POM121: variants seen among roughly 807,000 people sequenced by gnomAD.
The protein encoded by POM121 is nuclear envelope pore membrane protein POM 121.
POM121 carries 32 observed loss-of-function variants against 81.3 expected under a neutral mutation model. The observed-to-expected ratio is 0.39, with a 90% CI of 0.30 to 0.53. The LOEUF is 0.53. POM121 is among the 20% of genes least tolerant of loss of function. The pLI is 0.66. For missense variants in POM121, 1,138 were observed against 1,614.6 expected (o/e 0.70, Z 5.06); for synonymous variants, 514 against 694.2 (o/e 0.74, Z 4.08).
chr7:72,927,040 G>T (rs1356346982), intron 3 of POM121, 77 bp downstream of exon 3: 61 of 1,606,172 alleles, frequency 3.8e-5, no homozygotes, highest in Non-Finnish European at 5.2e-5. Flanking sequence ...TTCCCATATA[G>T]ATACAGAGGC....
At chr7:72,924,899 C>T (rs1392307555), upstream of POM121, 3 of 694,534 alleles carry the variant, frequency 4.3e-6, no homozygotes, top group Non-Finnish European at 6.3e-6. Context: ...CACGGGATCG[C>T]CTCCGGATGG....
At chr7:72,949,669 G>A (rs1797938944), downstream of POM121, 3 of 670,490 alleles carry the variant, frequency 4.5e-6, no homozygotes, top group Admixed American at 4.3e-5. Flanking sequence ...TGCCCCAAGG[G>A]CTAAGGGATC....
At chr7:72,934,275 G>T (rs1426332505) in intron 5 of POM121, among the ~76,000 whole-genome samples, 2 of 151,596 alleles carry the variant, frequency 1.3e-5, no homozygotes, top group Non-Finnish European at 2.9e-5. Context: ...AGTAGAGATG[G>T]GTTTTCACCA....
chr7:72,901,218 CTT>C (rs781884870), intron 3 of POM121, among the ~76,000 whole-genome samples: 29 of 139,016 alleles, frequency 2.1e-4, no homozygotes, highest in East Asian at 2.1e-4. Context: ...TTCTTTTTTT[CTT>C]TTTTTTTTTT....
At position 72,891,352 on chromosome 7, in the gene POM121, C is replaced by T. The variant is rs1208159197; in HGVS notation, c.-216+242C>T. 4.6e-5 allele frequency among the ~76,000 whole-genome samples: 7 copies of T among 152,106 alleles called. 1 individual carries two copies. Among genetic ancestry groups the T allele is most frequent in the African/African-American group, 1.7e-4 (7 of 41,418 alleles). On this transcript the variant is annotated intron_variant, in intron 3 of 15. Coordinates refer to the POM121 transcript ENST00000395270. ...TCACTTCCTCTTCCTCCAGCATTAT[C>T]GGTCACTTATTTACTCCCTCACCAT...
chr7:72,930,545 C>T (rs1302353800), intron 5 of POM121, among the ~76,000 whole-genome samples: 4 of 152,142 alleles, frequency 2.6e-5, no homozygotes, highest in African/African-American at 9.7e-5. Flanking sequence ...AGACTGAGTC[C>T]AGCTTGTATT....
chr7:72,882,397 G>C (rs185175067), intron 1 of POM121, among the ~76,000 whole-genome samples: 1 of 152,314 alleles, frequency 6.6e-6, no homozygotes, highest in East Asian at 1.9e-4. Flanking sequence ...GACATCGTTT[G>C]CATTGATTAT....
intron 5 of POM121, among the ~76,000 whole-genome samples, chr7:72,931,520 A>G (rs1554498602): frequency 6.6e-6 from 1 of 151,386 alleles, no homozygotes; most frequent in African/African-American, 2.4e-5. Context: ...ATTTTTATGT[A>G]TTACACCAAA....
At chr7:72,883,726 A>C (rs1790394367) in intron 1 of POM121, among the ~76,000 whole-genome samples, 1 of 151,706 alleles carries the variant, frequency 6.6e-6, no homozygotes, top group African/African-American at 2.4e-5. Context: ...CTTTTCACAC[A>C]ACTATACCAT....
intron 3 of POM121, among the ~76,000 whole-genome samples, chr7:72,897,909 C>T (rs1361414280): frequency 1.3e-5 from 2 of 152,118 alleles, no homozygotes; most frequent in Non-Finnish European, 2.9e-5. Context: ...GTCCCAGGGA[C>T]TTGGGAGGCT....
intron 3 of POM121, among the ~76,000 whole-genome samples, chr7:72,899,112 G>A (rs1426290496): frequency 2.0e-5 from 3 of 150,682 alleles, no homozygotes; most frequent in Non-Finnish European, 2.9e-5. Context: ...CCCCTGAGTA[G>A]CTGGGGATTA....
intron 1 of POM121, among the ~76,000 whole-genome samples, chr7:72,889,835 G>A (rs2129574766): frequency 6.6e-6 from 1 of 152,116 alleles, no homozygotes; most frequent in African/African-American, 2.4e-5. Flanking sequence ...CTTAAAAATT[G>A]AAGCTGCTTC....
chr7:72,880,128 C>T (rs1232425782), intron 1 of POM121, among the ~76,000 whole-genome samples: 2 of 152,206 alleles, frequency 1.3e-5, no homozygotes, highest in East Asian at 1.9e-4. Context: ...CTCCACTCCC[C>T]GCTAACCCCT....
chr7:72,934,008 A>C (rs1796272787), intron 5 of POM121, among the ~76,000 whole-genome samples: 1 of 152,234 alleles, frequency 6.6e-6, no homozygotes, highest in South Asian at 2.1e-4. Flanking sequence ...TGCATAAAAT[A>C]ATTCTTACAG....
intron 1 of POM121, 96 bp downstream of exon 1, chr7:72,925,861 C>T (rs1272333693): frequency 8.0e-7 from 1 of 1,250,164 alleles, no homozygotes; most frequent in Admixed American, 3.7e-5. Flanking sequence ...TCATCAAGTC[C>T]CAAGGGGATT....
chr7:72,929,887 C>T (rs760954283), intron 4 of POM121, 53 bp from the exon 5 acceptor site: 132 of 1,504,686 alleles, frequency 8.8e-5, no homozygotes, highest in Middle Eastern at 7.4e-4. Flanking sequence ...TGGATGAAAT[C>T]GTAAAAGAAT....
intron 1 of POM121, among the ~76,000 whole-genome samples, chr7:72,886,334 C>T (rs1327897078): frequency 1.2e-4 from 18 of 151,896 alleles, no homozygotes; most frequent in South Asian, 4.2e-4. Context: ...CCATCACGCC[C>T]GGCTAATTTT....
chr7:72,920,505 T>C (rs1202810698), upstream of POM121, among the ~76,000 whole-genome samples: 4 of 151,922 alleles, frequency 2.6e-5, no homozygotes, highest in South Asian at 6.3e-4. Context: ...CCAGTCACCA[T>C]CACCACGCCC....
intron 3 of POM121, among the ~76,000 whole-genome samples, chr7:72,897,717 G>T (rs1408120097): frequency 6.6e-6 from 1 of 152,154 alleles, no homozygotes. Context: ...TCACATGCAG[G>T]ATGTATTTTG....
Sources: gnomAD v4.1 joint callset for allele counts (sites outside exome capture counted in the v4.1 genomes callset) on GRCh38, gnomAD v4.1.1 for gene constraint, MANE v1.5 for transcripts, NCBI Gene and HGNC (gene_info 2026-07-23, HGNC 2026-07-21) for gene names.